MAP7: variants seen among roughly 807,000 people sequenced by gnomAD.
MAP7 encodes microtubule associated protein 7, also known as ensconsin.
A neutral mutation model predicts 94.8 loss-of-function variants in MAP7; 52 were observed. The ratio of observed to expected loss-of-function variants is 0.55; its 90% confidence interval spans 0.44 to 0.69. The LOEUF (loss-of-function observed/expected upper bound fraction) is 0.69. Ranked by LOEUF, MAP7 falls within the 30% of genes least tolerant of loss-of-function variation. The probability of loss-of-function intolerance (pLI) is 0.00; values close to 1 mark genes in which losing one functional copy is unlikely to be tolerated. For synonymous variants in MAP7, 350 were observed against 357.0 expected, an observed-to-expected ratio of 0.98 and a Z score of 0.22; for missense variants, 940 against 964.6, an observed-to-expected ratio of 0.97 and a Z score of 0.34.
intron 1 of MAP7, among the ~76,000 whole-genome samples, chr6:136,539,066 C>T (rs1052564190): frequency 3.3e-5 from 5 of 152,124 alleles, no homozygotes; most frequent in African/African-American, 4.8e-5. Context: ...AAATAAAAAA[C>T]GGCTTAAGGA....
At chr6:136,479,538 C>T (rs1812074102) in intron 1 of MAP7, among the ~76,000 whole-genome samples, 1 of 152,208 alleles carries the variant, frequency 6.6e-6, no homozygotes, top group Non-Finnish European at 1.5e-5. Flanking sequence ...AAATAAAGTG[C>T]ATCCAAATTG....
chr6:136,483,129 CAAAAAA>C (rs57320038), intron 1 of MAP7, among the ~76,000 whole-genome samples: 16 of 83,152 alleles, frequency 1.9e-4, no homozygotes, highest in African/African-American at 3.3e-4. Context: ...AAGTATCTTT[CAAAAAA>C]AAAAAAAAAA....
chr6:136,349,107 G>A (rs1340395220), intron 16 of MAP7, among the ~76,000 whole-genome samples: 1 of 152,006 alleles, frequency 6.6e-6, no homozygotes, highest in Non-Finnish European at 1.5e-5. Context: ...ATATGGATCC[G>A]TATCCTTTGT....
chr6:136,360,991 G>A lies in MAP7; in HGVS notation c.1701+14C>T, dbSNP rs764893540. The A allele has an allele frequency of 7.7e-6, 12 of 1,559,588 alleles. No individual in the cohort carries two copies. The East Asian group carries it at 1.2e-4, about 15-fold the overall frequency. ...CGGGACTGGGGCCGGGGCCAGGGTG[G>A]GGTGCGGCCGCACCTGCCTCTGGGC... On this transcript the variant is annotated intron_variant, in intron 12 of 17. Coordinates refer to ENST00000354570, the MANE Select transcript of MAP7 (RefSeq NM_003980.6).
chr6:136,499,406 T>C (rs1819210647), intron 1 of MAP7, among the ~76,000 whole-genome samples: 1 of 152,140 alleles, frequency 6.6e-6, no homozygotes, highest in East Asian at 1.9e-4. Flanking sequence ...CCAAGGTAAG[T>C]ACTGTTATCA....
intron 3 of MAP7, among the ~76,000 whole-genome samples, chr6:136,392,388 C>CTTTT (rs11347286): frequency 8.1e-4 from 83 of 102,560 alleles, no homozygotes; most frequent in African/African-American, 2.0e-3. Context: ...CTGCATCTTG[C>CTTTT]TTTTTTTTTT....
At chr6:136,393,844 T>C (rs1781492912) in intron 3 of MAP7, among the ~76,000 whole-genome samples, 1 of 149,338 alleles carries the variant, frequency 6.7e-6, no homozygotes, top group Non-Finnish European at 1.5e-5. Context: ...TCTCACTACA[T>C]TGACCAGGCT....
In MAP7 at chr6:136,425,150, A is replaced by G. The variant is rs77633649; in HGVS notation, c.68-3351T>C. On this transcript the variant is annotated intron_variant, in intron 1 of 17. Transcript: ENST00000354570. ...GAATGATTCACATCTCAGGCTGGAC[A>G]GAGCAGGAGGGCACAAGATTTCATC... Among the ~76,000 whole-genome samples, 682 of 152,362 alleles carry G rather than the reference A, an allele frequency of 4.5e-3. 6 individuals are homozygous for G. The highest frequency in any genetic ancestry group is 0.016 in the African/African-American group (657 of 41,580).
At position 136,377,839 on chromosome 6, in the gene MAP7, T is replaced by C. The variant is rs1260603151; in HGVS notation, c.667A>G (p.Ser223Gly). 5 of 1,613,790 alleles carry C rather than the reference T, an allele frequency of 3.1e-6. No individual in the cohort carries two copies. In the African/African-American group the frequency reaches 5.3e-5, roughly 17 times the overall value. The change falls in exon 7 of 18, where the codon AGC (serine) becomes GGC (glycine). Residue 223 changes from serine to glycine, a missense_variant. Physicochemically the swap from Ser to Gly is moderately conservative, Grantham distance 56. Transcript: ENST00000354570. ...ARRLQLSPWE[S>G]SVVNRLLTPT... ...GTCAGGAGTCTGTTAACAACGCTGC[T>C]CTCCCATGGGCTGAGCTGCAGGCGG...
intron 1 of MAP7, among the ~76,000 whole-genome samples, chr6:136,424,213 C>T (rs1430199102): frequency 6.6e-6 from 1 of 151,422 alleles, no homozygotes; most frequent in Non-Finnish European, 1.5e-5. Context: ...TGAAAATCCT[C>T]ATTAACTAGA....
intron 1 of MAP7, among the ~76,000 whole-genome samples, chr6:136,423,789 T>TG (rs973124611): frequency 7.5e-5 from 11 of 146,110 alleles, no homozygotes; most frequent in Non-Finnish European, 1.2e-4. Context: ...TGTGTTTTTT[T>TG]TTTTTGTTTT....
chr6:136,505,277 GTATATATATATATATATATATATA>G (rs56764706), intron 1 of MAP7, among the ~76,000 whole-genome samples: 2 of 53,810 alleles, frequency 3.7e-5, no homozygotes, highest in East Asian at 1.5e-3. Context: ...GTGTGTGTGT[GTATATATATATATATATATATATA>G]TATATATATA....
At chr6:136,363,541 C>T (rs374282481) in intron 10 of MAP7, among the ~76,000 whole-genome samples, 7 of 152,340 alleles carry the variant, frequency 4.6e-5, no homozygotes, top group Non-Finnish European at 7.3e-5. Context: ...AAATACTGGA[C>T]TCCTCCTTTT....
At chr6:136,547,181 G>A (rs1829801807) in intron 1 of MAP7, among the ~76,000 whole-genome samples, 1 of 152,184 alleles carries the variant, frequency 6.6e-6, no homozygotes, top group African/African-American at 2.4e-5. Context: ...GGATGGTCAC[G>A]AAAGAGGCCA....
At chr6:136,446,048 C>A (rs1359776620) in intron 1 of MAP7, among the ~76,000 whole-genome samples, 1 of 152,244 alleles carries the variant, frequency 6.6e-6, no homozygotes, top group Non-Finnish European at 1.5e-5. Flanking sequence ...GTTCCCACAA[C>A]CCCTCCTCAT....
At chr6:136,424,018 G>A (rs1003863164) in intron 1 of MAP7, among the ~76,000 whole-genome samples, 7 of 151,766 alleles carry the variant, frequency 4.6e-5, no homozygotes, top group East Asian at 1.9e-4. Flanking sequence ...GGCTGGTCTC[G>A]AACTCCCAAC....
rs533000257 is a variant in MAP7, at chr6:136,420,248, C to T, written c.166+1453G>A. The T allele has an allele frequency of 7.0e-5, 69 of 986,536 alleles. No homozygotes were observed. The African/African-American group carries it at 7.2e-4, about 10-fold the overall frequency. The allele number at this position is 986,536 out of a possible 1,614,324, so 61.1% of individuals were successfully genotyped here. ...GGAACATAGAAATCTGACAGGGCCG[C>T]GCCAGGTAAAACATCGCAGAAGAGC... On this transcript the variant is annotated intron_variant, in intron 2 of 17. Coordinates refer to ENST00000354570, the MANE Select transcript of MAP7 (RefSeq NM_003980.6).
At chr6:136,456,023 C>A (rs1458039053) in intron 1 of MAP7, among the ~76,000 whole-genome samples, 1 of 152,168 alleles carries the variant, frequency 6.6e-6, no homozygotes, top group Non-Finnish European at 1.5e-5. Flanking sequence ...CCATAACTTG[C>A]TTACCCAGCC....
chr6:136,481,595 G>A (rs1157048861), intron 1 of MAP7, among the ~76,000 whole-genome samples: 2 of 152,184 alleles, frequency 1.3e-5, no homozygotes, highest in African/African-American at 4.8e-5. Flanking sequence ...GTAGGATGAT[G>A]GTTATCAGCA....
Sources: gnomAD v4.1 joint callset for allele counts (sites outside exome capture counted in the v4.1 genomes callset) on GRCh38, gnomAD v4.1.1 for gene constraint, MANE v1.5 for transcripts, NCBI Gene and HGNC (gene_info 2026-07-23, HGNC 2026-07-21) for gene names.